Variants in TTC13 observed in about 807,000 individuals in gnomAD.
The protein encoded by TTC13 is tetratricopeptide repeat domain 13.
Under a neutral mutation model 120.0 loss-of-function variants are expected in TTC13, and 62 were observed. The observed-to-expected ratio is 0.52, with a 90% CI of 0.42 to 0.64. The LOEUF (loss-of-function observed/expected upper bound fraction) is 0.64, where lower values mean the gene tolerates loss of function less well. Among genes scored for constraint, TTC13 ranks in the 30% least tolerant of loss-of-function variants. TTC13 has a pLI of 0.00. For synonymous variants in TTC13, 384 were observed against 393.5 expected, an observed-to-expected ratio of 0.98 and a Z score of 0.28; for missense variants, 824 against 1,050.2, an observed-to-expected ratio of 0.78 and a Z score of 2.98.
At chr1:230,934,448 A>G (rs1260340026) in intron 8 of TTC13, among the ~76,000 whole-genome samples, 1 of 152,220 alleles carries the variant, frequency 6.6e-6, no homozygotes, top group Non-Finnish European at 1.5e-5. Context: ...GTTAGCTTCC[A>G]TCGGCCTAAC....
chr1:230,908,699 C>T lies in TTC13; in HGVS notation c.2468+13G>A, dbSNP rs1239248303. ...TTATGATACCCTTGTGTGGACCCCC[C>T]TCAAGTAGTTACCTTTTCAAGTTCA... On this transcript the variant is annotated intron_variant, in intron 22 of 22. Coordinates refer to ENST00000366661, the MANE Select transcript of TTC13 (RefSeq NM_024525.5). The T allele has an allele frequency of 6.2e-7, 1 of 1,611,788 alleles. No individual in the cohort carries two copies. Among genetic ancestry groups the T allele is most frequent in the Admixed American group, 1.7e-5 (1 of 59,972 alleles).
At chr1:230,910,183 A>G (rs1671362255) in intron 20 of TTC13, among the ~76,000 whole-genome samples, 1 of 152,226 alleles carries the variant, frequency 6.6e-6, no homozygotes, top group South Asian at 2.1e-4. Flanking sequence ...GGGGTTCTCC[A>G]GCAGGGAAGA....
rs1451011895 is a variant in TTC13, at chr1:230,940,344, T to A, written c.789+96A>T. On this transcript the variant is annotated intron_variant, in intron 7 of 22. Transcript: ENST00000366661. This position sits in a 1 kb window ranked among gnomAD's most constrained non-coding sequence, Gnocchi z 4.1. ...ATGACACAGACATATTACTAAACAGTCAAAGCCCAAATCTATCAAAGAGTC... is the reference window on the plus strand; with the variant it reads ...ATGACACAGACATATTACTAAACAGACAAAGCCCAAATCTATCAAAGAGTC... 5 of 779,674 alleles carry A rather than the reference T, an allele frequency of 6.4e-6. No homozygotes were observed. Among genetic ancestry groups the A allele is most frequent in the Non-Finnish European group, 1.1e-5 (5 of 472,416 alleles). 48.3% of individuals were successfully genotyped at this position (779,674 alleles called of 1,614,324 possible).
rs558476643 is a variant in TTC13 at position 230,967,640 on chromosome 1, T to C, written c.272-6337A>G. On this transcript the variant is annotated intron_variant, in intron 1 of 22. Transcript: ENST00000366661. Reference sequence around the variant, plus strand: ...AAATTTTTATAACTATGTATGTATCTTCTAAGGTTGCAATAGAAAAATAGT... The same window carrying C: ...AAATTTTTATAACTATGTATGTATCCTCTAAGGTTGCAATAGAAAAATAGT... Among the ~76,000 whole-genome samples, 113 of 152,342 alleles carry C rather than the reference T, an allele frequency of 7.4e-4. 1 individual carries two copies. In the South Asian group the frequency reaches 0.022, roughly 30 times the overall value.
At position 230,961,203 on chromosome 1, in the gene TTC13, G is replaced by T; in HGVS notation, c.366+6C>A. On this transcript the variant is annotated splice_donor_region_variant and intron_variant, in intron 2 of 22. Transcript: ENST00000366661. ...CAAAAACAGAACACAGAGAGAAGAT[G>T]CATACCAGAATCTTCTCAGTGTTGA... 1 of 1,607,098 alleles carries T rather than the reference G, an allele frequency of 6.2e-7. No homozygotes were observed. The highest frequency in any genetic ancestry group is 8.5e-7 in the Non-Finnish European group (1 of 1,174,036).
chr1:230,965,781 G>C (rs1000077339), intron 1 of TTC13, among the ~76,000 whole-genome samples: 1 of 152,100 alleles, frequency 6.6e-6, no homozygotes, highest in African/African-American at 2.4e-5. Context: ...TAGTAGCTGG[G>C]AACACAGGCA....
intron 14 of TTC13, among the ~76,000 whole-genome samples, chr1:230,924,480 G>C (rs879898221): frequency 1.3e-5 from 2 of 152,048 alleles, no homozygotes; most frequent in East Asian, 1.9e-4. Context: ...CTACAGGCGC[G>C]CACCACCACG....
intron 1 of TTC13, among the ~76,000 whole-genome samples, chr1:230,975,478 G>A (rs1678192661): frequency 6.6e-6 from 1 of 152,048 alleles, no homozygotes; most frequent in Non-Finnish European, 1.5e-5. Flanking sequence ...GAAAGAATTG[G>A]AAAAATACTT....
rs375945636 is a variant in TTC13, at chr1:230,945,464, C to A, written c.514-10G>T. ...CCAGATCAGGCTCCTCCTAGTCAGA[C>A]CAAAACAAAAACACGTCAAAAACCA... On this transcript the variant is annotated splice_polypyrimidine_tract_variant and intron_variant, in intron 4 of 22. Coordinates refer to ENST00000366661, the MANE Select transcript of TTC13 (RefSeq NM_024525.5). 5 of 1,613,788 alleles carry A rather than the reference C, an allele frequency of 3.1e-6. No individual in the cohort carries two copies. Among genetic ancestry groups the A allele is most frequent in the Admixed American group, 1.7e-5 (1 of 60,018 alleles).
At chr1:230,917,700 G>C (rs1046469868) in intron 17 of TTC13, among the ~76,000 whole-genome samples, 5 of 151,968 alleles carry the variant, frequency 3.3e-5, no homozygotes, top group Non-Finnish European at 7.4e-5. Flanking sequence ...GCACACTGAG[G>C]CTGGCGATGC....
At chr1:230,911,935 C>T (rs189637639) in intron 19 of TTC13, among the ~76,000 whole-genome samples, 1 of 152,288 alleles carries the variant, frequency 6.6e-6, no homozygotes, top group South Asian at 2.1e-4. Flanking sequence ...AAGCCCCTTC[C>T]CCTACTCCGC....
chr1:230,969,714 G>C lies in TTC13; in HGVS notation c.272-8411C>G, dbSNP rs577353715. The stretch of plus-strand genomic sequence containing the variant: ...GATGCTTCCCTGACTGTTTGACTTA[G>C]AGCAAGTCCTTTAGTACGTCTTAGC... On this transcript the variant is annotated intron_variant, in intron 1 of 22. Transcript: ENST00000366661. 3.9e-5 allele frequency among the ~76,000 whole-genome samples: 6 copies of C among 152,294 alleles called. No homozygotes were observed. In the East Asian group the frequency reaches 1.2e-3, roughly 29 times the overall value.
Position 230,906,996 on chromosome 1 carries a change from A to G in TTC13, c.2492T>C (p.Leu831Pro). ...TGGAAACGTTTCTGATACTGATGGA[A>G]GAGTCTTATAAGAAGGTGAAATACT... ...LKSISPSYKTLPSVSETFPTL... is the reference protein window; with the variant it reads ...LKSISPSYKTPPSVSETFPTL... The change falls in exon 23 of 23, where the codon CTT (leucine) becomes CCT (proline). Residue 831 changes from leucine (L) to proline (P), a missense_variant. Physicochemically the swap from Leu to Pro is moderately conservative, Grantham distance 98. Around this residue, in one of 4 missense-constraint regions of TTC13, gnomAD observed 226 missense variants for 259.1 expected, o/e 0.87. Coordinates refer to ENST00000366661, the MANE Select transcript of TTC13 (RefSeq NM_024525.5). 6.5e-7 allele frequency: 1 copy of G among 1,531,536 alleles called. No homozygotes were observed. The highest frequency in any genetic ancestry group is 8.7e-7 in the Non-Finnish European group (1 of 1,146,334). 94.9% of individuals were successfully genotyped at this position (1,531,536 alleles called of 1,614,324 possible).
At chr1:230,957,278 C>A (rs6541242) in intron 3 of TTC13, among the ~76,000 whole-genome samples, 107,023 of 152,038 alleles carry the variant, frequency 0.7, 38,285 homozygotes, top group African/African-American at 0.84. Context: ...CTCTACAAAA[C>A]AATTTTAAAA....
chr1:230,930,344 C>T (rs907916279), intron 11 of TTC13, among the ~76,000 whole-genome samples: 4 of 152,082 alleles, frequency 2.6e-5, no homozygotes, highest in African/African-American at 9.7e-5. Context: ...TTGATTTTCA[C>T]TTTTTTAATG....
At chr1:230,923,567 C>T (rs1225025128) in intron 15 of TTC13, among the ~76,000 whole-genome samples, 1 of 152,198 alleles carries the variant, frequency 6.6e-6, no homozygotes, top group East Asian at 1.9e-4. Flanking sequence ...TAAAGACTGA[C>T]GCCCTAGGAA....
Position 230,916,293 on chromosome 1 carries a change from T to A in TTC13, c.1993A>T (p.Thr665Ser). 1.2e-6 allele frequency: 2 copies of A among 1,613,224 alleles called. No individual in the cohort carries two copies. The highest frequency in any genetic ancestry group is 1.7e-6 in the Non-Finnish European group (2 of 1,179,148). Residue 665 changes from threonine (T) to serine (S), a missense_variant, in exon 18 of 23, where the codon ACT (threonine) becomes TCT (serine). Transcript: ENST00000366661. ...ACGGTGAACCCATCCTTCGTTTTAG[T>A]ATTAAACTGCTTTCAGGGAAAAAGA... ...DLLPIMKQFN[T>S]KTKDGFTVNT...
rs571708594 is a variant in TTC13 at position 230,952,149 on chromosome 1, T to A, written c.513+2184A>T. ...ACAGGTTCTTGCTCTCTAGCTGGAG[T>A]ATAGAATCTTCGAATTTTCTATTCC... On this transcript the variant is annotated intron_variant, in intron 4 of 22. Coordinates refer to ENST00000366661, the MANE Select transcript of TTC13 (RefSeq NM_024525.5). 9.8e-5 allele frequency among the ~76,000 whole-genome samples: 15 copies of A among 152,314 alleles called. No individual in the cohort carries two copies. In the South Asian group the frequency reaches 3.1e-3, roughly 32 times the overall value.
intron 1 of TTC13, among the ~76,000 whole-genome samples, chr1:230,966,746 C>T (rs1317072108): frequency 6.6e-6 from 1 of 152,186 alleles, no homozygotes; most frequent in Admixed American, 6.5e-5. Flanking sequence ...TGAATAACAC[C>T]AGCTAACACA....
Sources: allele counts gnomAD v4.1 joint callset (sites outside exome capture counted in the v4.1 genomes callset), GRCh38; gene constraint gnomAD v4.1.1; regional missense constraint gnomAD v4.1.1; non-coding constraint Gnocchi (gnomAD v3.1); transcripts MANE v1.5; gene names NCBI Gene and HGNC (gene_info 2026-07-23, HGNC 2026-07-21).